The following NRG1 variants were observed in gnomAD, a reference collection of about 807,000 sequenced individuals.
NRG1 encodes pro-neuregulin-1, membrane-bound isoform.
A neutral mutation model predicts 63.8 loss-of-function variants in NRG1; 18 were observed. The ratio of observed to expected loss-of-function variants is 0.28; its 90% CI spans 0.19 to 0.42. The LOEUF (loss-of-function observed/expected upper bound fraction) is 0.42, where lower values mean the gene tolerates loss of function less well. NRG1 is among the 10% of genes least tolerant of loss of function. The probability of loss-of-function intolerance (pLI) is 1.00; values close to 1 mark genes in which losing one functional copy is unlikely to be tolerated. For missense variants in NRG1, 762 were observed against 814.7 expected (o/e 0.94, Z 0.79); for synonymous variants, 302 against 301.3 (o/e 1.00, Z -0.02).
chr8:32,069,874 T>G (rs4531001), intron 1 of NRG1, among the ~76,000 whole-genome samples: 2 of 152,196 alleles, frequency 1.3e-5, no homozygotes, highest in Non-Finnish European at 2.9e-5. Context: ...CCTTCTGTGA[T>G]GCCTTCCAAG....
At chr8:32,299,077 A>C (rs1855291180) in intron 1 of NRG1, among the ~76,000 whole-genome samples, 1 of 151,754 alleles carries the variant, frequency 6.6e-6, no homozygotes, top group South Asian at 2.1e-4. Context: ...ATACTACCAA[A>C]TTCTTACCTA....
chr8:32,416,004 G>A (rs188072785), intron 1 of NRG1, among the ~76,000 whole-genome samples: 47 of 152,312 alleles, frequency 3.1e-4, no homozygotes, highest in African/African-American at 1.1e-3. Flanking sequence ...ATACACTGCA[G>A]ACACTTTCGT....
intron 1 of NRG1, among the ~76,000 whole-genome samples, chr8:32,333,889 C>G (rs1032584128): frequency 5.3e-5 from 8 of 152,198 alleles, no homozygotes; most frequent in Non-Finnish European, 7.3e-5. Context: ...TTTCAGACCA[C>G]TATGCCTTGG....
intron 1 of NRG1, among the ~76,000 whole-genome samples, chr8:31,874,853 T>C (rs908626990): frequency 2.0e-5 from 3 of 150,866 alleles, no homozygotes; most frequent in African/African-American, 7.3e-5. Flanking sequence ...CACTGGGGAA[T>C]AAACAGGGAA....
At chr8:32,279,948 C>T (rs1852524020) in intron 1 of NRG1, among the ~76,000 whole-genome samples, 1 of 152,222 alleles carries the variant, frequency 6.6e-6, no homozygotes, top group Admixed American at 6.5e-5. Context: ...CCAGAGCCAG[C>T]TTATTGAAAA....
At chr8:31,865,788 T>C (rs189306304) in intron 1 of NRG1, among the ~76,000 whole-genome samples, 184 of 152,294 alleles carry the variant, frequency 1.2e-3, no homozygotes, top group African/African-American at 4.0e-3. Context: ...TTCTTCATAG[T>C]AGCATGAGAG....
intron 1 of NRG1, among the ~76,000 whole-genome samples, chr8:31,883,711 A>T (rs1259055978): frequency 6.6e-6 from 1 of 152,152 alleles, no homozygotes; most frequent in Non-Finnish European, 1.5e-5. Flanking sequence ...GTTGGAGGGC[A>T]TTAAAGATAG....
rs768428841 is a variant in NRG1, at chr8:32,000,665, C to G, written c.37+361234C>G. Among the ~76,000 whole-genome samples, 28 of 152,094 alleles carry G rather than the reference C, an allele frequency of 1.8e-4. 1 individual carries two copies. Among genetic ancestry groups the G allele is most frequent in the South Asian group, 8.3e-4 (4 of 4,830 alleles). ...ACATAAGCTGAAAAGCAAAAGTCTC[C>G]TTTCCTACTTTGTTTATTTTGCTTC... On this transcript the variant is annotated intron_variant, in intron 1 of 10. Coordinates refer to the NRG1 transcript ENST00000519301.
At chr8:31,976,522 G>A (rs1808204073) in intron 1 of NRG1, among the ~76,000 whole-genome samples, 1 of 152,100 alleles carries the variant, frequency 6.6e-6, no homozygotes, top group Non-Finnish European at 1.5e-5. Flanking sequence ...TATGACTTTT[G>A]AGAAGATATA....
chr8:32,224,279 C>T (rs1947911), intron 1 of NRG1, among the ~76,000 whole-genome samples: 14,211 of 152,080 alleles, frequency 0.093, 803 homozygotes, highest in East Asian at 0.24. Flanking sequence ...TTTGGTCGAT[C>T]GCAGGATGAT....
intron 7 of NRG1, chr8:32,749,852 C>A: frequency 6.0e-6 from 3 of 501,618 alleles, no homozygotes; most frequent in Non-Finnish European, 1.1e-5. Flanking sequence ...ATATATCCCA[C>A]GCTGCTTAAC....
chr8:31,694,205 A>T (rs1809820436), intron 1 of NRG1, among the ~76,000 whole-genome samples: 1 of 152,054 alleles, frequency 6.6e-6, no homozygotes, highest in Admixed American at 6.5e-5. Flanking sequence ...TGTGTACCAT[A>T]GTGATACCTT....
At chr8:32,615,492 A>T (rs1563773241) in intron 4 of NRG1, among the ~76,000 whole-genome samples, 1 of 152,126 alleles carries the variant, frequency 6.6e-6, no homozygotes, top group East Asian at 1.9e-4. Context: ...AAGTATTAGA[A>T]ATGTTAAGTC....
At chr8:31,851,990 T>C (rs1333461631) in intron 1 of NRG1, among the ~76,000 whole-genome samples, 2 of 150,216 alleles carry the variant, frequency 1.3e-5, no homozygotes, top group Admixed American at 6.6e-5. Context: ...TGCCACATTT[T>C]CTTAATCCAG....
intron 1 of NRG1, among the ~76,000 whole-genome samples, chr8:32,185,330 A>G (rs1841864881): frequency 6.6e-6 from 1 of 152,168 alleles, no homozygotes; most frequent in East Asian, 1.9e-4. Flanking sequence ...AATAGGATGT[A>G]TTAATATTAC....
chr8:32,367,218 T>G (rs1170875265), intron 1 of NRG1, among the ~76,000 whole-genome samples: 2 of 152,206 alleles, frequency 1.3e-5, no homozygotes, highest in Non-Finnish European at 2.9e-5. Context: ...CTCCGAACTA[T>G]TTTCTACAGT....
At chr8:32,381,783 C>A (rs985430442) in intron 1 of NRG1, among the ~76,000 whole-genome samples, 1 of 151,992 alleles carries the variant, frequency 6.6e-6, no homozygotes, top group Non-Finnish European at 1.5e-5. Flanking sequence ...CAAATTATGA[C>A]CCTGTTGAAC....
intron 1 of NRG1, among the ~76,000 whole-genome samples, chr8:32,373,637 G>A (rs1273021216): frequency 1.3e-5 from 2 of 152,100 alleles, no homozygotes; most frequent in African/African-American, 2.4e-5. Flanking sequence ...AATTAGCCAG[G>A]AGTGGTGGCA....
chr8:32,172,907 A>G (rs1840238762), intron 1 of NRG1, among the ~76,000 whole-genome samples: 1 of 152,234 alleles, frequency 6.6e-6, no homozygotes, highest in South Asian at 2.1e-4. Context: ...CCAAGTTCGA[A>G]AACACTCTGC....
Sources: gnomAD v4.1 joint callset for allele counts (sites outside exome capture counted in the v4.1 genomes callset) on GRCh38, gnomAD v4.1.1 for gene constraint, MANE v1.5 for transcripts, NCBI Gene and HGNC (gene_info 2026-07-23, HGNC 2026-07-21) for gene names.